AGBL1: variants seen among roughly 807,000 people sequenced by gnomAD.
The protein encoded by AGBL1 is AGBL carboxypeptidase 1, also known as cytosolic carboxypeptidase 4.
In AGBL1, 130 loss-of-function variants were observed where a neutral mutation model predicts 118.9. The ratio of observed to expected loss-of-function variants is 1.09; its 90% CI spans 0.95 to 1.26. AGBL1 has a LOEUF of 1.26. Ranked by LOEUF, AGBL1 falls within the 50% of genes most tolerant of loss-of-function variation. AGBL1 has a pLI of 0.00. For synonymous variants in AGBL1, 555 were observed against 478.9 expected, an observed-to-expected ratio of 1.16 and a Z score of -2.08; for missense variants, 1,584 against 1,298.1, an observed-to-expected ratio of 1.22 and a Z score of -3.38.
intron 22 of AGBL1, among the ~76,000 whole-genome samples, chr15:86,822,029 G>C (rs1001213389): frequency 6.6e-6 from 1 of 152,142 alleles, no homozygotes; most frequent in South Asian, 2.1e-4. Context: ...TACCTGTTCA[G>C]TGTCCATGTG....
At chr15:87,003,050 T>C (rs4550417) in intron 24 of AGBL1, among the ~76,000 whole-genome samples, 43,324 of 152,068 alleles carry the variant, frequency 0.28, 6,617 homozygotes, top group East Asian at 0.42. Context: ...ATCCCTGTCT[T>C]GTGCCAGTTT....
chr15:86,839,659 G>T (rs117751524), intron 22 of AGBL1, among the ~76,000 whole-genome samples: 2 of 152,104 alleles, frequency 1.3e-5, no homozygotes, highest in African/African-American at 4.8e-5. Flanking sequence ...TAGCAGATAT[G>T]ACAACTAAAT....
At chr15:86,668,806 A>G (rs2085691128) in intron 21 of AGBL1, among the ~76,000 whole-genome samples, 1 of 152,198 alleles carries the variant, frequency 6.6e-6, no homozygotes, top group Non-Finnish European at 1.5e-5. Flanking sequence ...TAAATTAGTA[A>G]GACCGCAATC....
chr15:86,801,167 A>G (rs971508576), intron 22 of AGBL1, among the ~76,000 whole-genome samples: 3 of 152,050 alleles, frequency 2.0e-5, no homozygotes, highest in Non-Finnish European at 4.4e-5. Flanking sequence ...TTCCTGTAGT[A>G]GCAACCATCA....
At chr15:86,901,838 T>G (rs2080216073) in intron 22 of AGBL1, among the ~76,000 whole-genome samples, 1 of 152,166 alleles carries the variant, frequency 6.6e-6, no homozygotes, top group Non-Finnish European at 1.5e-5. Flanking sequence ...ACTAAGCATT[T>G]TATATATGTT....
At chr15:86,389,239 A>C (rs1307102906) in intron 17 of AGBL1, among the ~76,000 whole-genome samples, 2 of 152,170 alleles carry the variant, frequency 1.3e-5, no homozygotes, top group East Asian at 3.9e-4. Context: ...AACATGTAGA[A>C]AGAACACATA....
At chr15:86,131,189 T>C (rs1248467373) in intron 1 of AGBL1, among the ~76,000 whole-genome samples, 2 of 152,202 alleles carry the variant, frequency 1.3e-5, no homozygotes, top group Non-Finnish European at 2.9e-5. Flanking sequence ...CATCAAGCTG[T>C]ACCCCAGGAT....
At chr15:86,974,488 ACATATTTTATATAT>A (rs1185282702) in intron 23 of AGBL1, among the ~76,000 whole-genome samples, 3,426 of 138,644 alleles carry the variant, frequency 0.025, 185 homozygotes, top group Non-Finnish European at 0.037. Flanking sequence ...TTGAATATAA[ACATATTTTATATAT>A]TGAATATAAA....
At chr15:86,849,517 C>CTTTTTTTTTTTTTTTTTTTTTTTT (rs68185029) in intron 22 of AGBL1, among the ~76,000 whole-genome samples, 1 of 136,798 alleles carries the variant, frequency 7.3e-6, no homozygotes, top group African/African-American at 2.7e-5. Context: ...TTCTTTCTTT[C>CTTTTTTTTTTTTTTTTTTTTTTTT]TTTTTTTTTT....
At chr15:86,936,280 AAGAG>A (rs557834933) in intron 23 of AGBL1, among the ~76,000 whole-genome samples, 114 of 150,694 alleles carry the variant, frequency 7.6e-4, no homozygotes, top group Non-Finnish European at 1.2e-3. Flanking sequence ...CAGAGAGAGA[AAGAG>A]AGAGAGAACA....
intron 22 of AGBL1, among the ~76,000 whole-genome samples, chr15:86,750,619 T>C (rs987909515): frequency 3.9e-5 from 6 of 152,098 alleles, no homozygotes; most frequent in African/African-American, 1.2e-4. Context: ...ATAAGAATGA[T>C]ATGTGATCAT....
intron 5 of AGBL1, among the ~76,000 whole-genome samples, chr15:86,197,217 G>A (rs1386382026): frequency 6.6e-6 from 1 of 152,246 alleles, no homozygotes. Flanking sequence ...GCCAGAAAAC[G>A]CCTAGGTTGC....
chr15:86,875,299 C>T (rs2079791609), intron 22 of AGBL1, among the ~76,000 whole-genome samples: 1 of 152,222 alleles, frequency 6.6e-6, no homozygotes. Flanking sequence ...TGTCTGCTAC[C>T]TGGGACAAGC....
chr15:86,492,113 A>G (rs567847157), intron 18 of AGBL1, among the ~76,000 whole-genome samples: 6 of 152,202 alleles, frequency 3.9e-5, no homozygotes, highest in Admixed American at 3.3e-4. Context: ...AAATTGAATT[A>G]TAACTCATTA....
intron 21 of AGBL1, among the ~76,000 whole-genome samples, chr15:86,590,428 G>A (rs912296350): frequency 1.3e-5 from 2 of 152,130 alleles, no homozygotes; most frequent in Admixed American, 6.5e-5. Flanking sequence ...TCTCTGTCCT[G>A]CCACTATGTG....
chr15:86,264,102 C>T (rs1245337780), intron 10 of AGBL1, among the ~76,000 whole-genome samples, 156 bp from the exon 11 acceptor site: 2 of 152,146 alleles, frequency 1.3e-5, no homozygotes, highest in African/African-American at 2.4e-5. Context: ...ATTTATTTGA[C>T]TCTTGAAGGT....
At chr15:86,330,091 G>T (rs2080246982) in intron 17 of AGBL1, among the ~76,000 whole-genome samples, 1 of 152,168 alleles carries the variant, frequency 6.6e-6, no homozygotes, top group South Asian at 2.1e-4. Flanking sequence ...AGACCTTTAG[G>T]TGAGCTGGCT....
intron 18 of AGBL1, among the ~76,000 whole-genome samples, chr15:86,508,597 C>G (rs1441451228): frequency 1.3e-5 from 2 of 151,858 alleles, no homozygotes; most frequent in African/African-American, 4.8e-5. Flanking sequence ...ATAGCTTTTT[C>G]TCCTCTTATT....
chr15:86,462,306 T>C (rs2082344174), intron 18 of AGBL1, among the ~76,000 whole-genome samples: 2 of 151,884 alleles, frequency 1.3e-5, no homozygotes, highest in Admixed American at 1.3e-4. Flanking sequence ...TAGTAGCATC[T>C]GTCATCTACA....
Sources: allele counts gnomAD v4.1 joint callset (sites outside exome capture counted in the v4.1 genomes callset), GRCh38; gene constraint gnomAD v4.1.1; transcripts MANE v1.5; gene names NCBI Gene and HGNC (gene_info 2026-07-23, HGNC 2026-07-21).